LRP1B: variants seen among roughly 807,000 people sequenced by gnomAD.
The protein encoded by LRP1B is LDL receptor related protein 1B.
LRP1B carries 217 observed loss-of-function variants against 556.6 expected under a neutral mutation model. That is an observed-to-expected ratio of 0.39 (90% CI 0.35 to 0.44). The LOEUF is 0.44. Ranked by LOEUF, LRP1B falls within the 20% of genes least tolerant of loss-of-function variation. The pLI, the probability that LRP1B is intolerant of heterozygous loss-of-function variation, is 1.00. For synonymous variants in LRP1B, 2,047 were observed against 1,865.8 expected (o/e 1.10, Z -2.50); for missense variants, 5,053 against 5,620.8 (o/e 0.90, Z 3.23).
intron 1 of LRP1B, among the ~76,000 whole-genome samples, chr2:141,898,321 G>C (rs1699516177): frequency 6.6e-6 from 1 of 151,964 alleles, no homozygotes; most frequent in Non-Finnish European, 1.5e-5. Context: ...AGCTACAAAG[G>C]GCTCCCATGT....
chr2:141,381,687 A>G (rs1387795438), intron 3 of LRP1B, among the ~76,000 whole-genome samples: 1 of 152,208 alleles, frequency 6.6e-6, no homozygotes, highest in Non-Finnish European at 1.5e-5. Context: ...AAGACAGTCA[A>G]GAAATTTTTC....
rs756988187 is a variant in LRP1B at position 141,049,118 on chromosome 2, C to G, written c.1657G>C (p.Glu553Gln). The change falls in exon 11 of 91, where the codon GAA becomes CAA. Residue 553 changes from glutamate (E) to glutamine (Q), a missense_variant. Glu to Gln is a conservative substitution (Grantham distance 29). This residue lies in a region of LRP1B where 3,619 missense variants were observed against 3,931.9 expected (regional missense o/e 0.92). Coordinates refer to ENST00000389484, the MANE Select transcript of LRP1B (RefSeq NM_018557.3). Reference sequence around the variant, plus strand: ...AAAGCACGAGGGTTTACCAGATTTTCTATGGGGATCATGTATTCATCAGCT... The same window carrying G: ...AAAGCACGAGGGTTTACCAGATTTTGTATGGGGATCATGTATTCATCAGCT... ...KIADEYMIPIENLVNPRALDF... is the reference protein window; with the variant it reads ...KIADEYMIPIQNLVNPRALDF... The G allele has an allele frequency of 4.3e-6, 7 of 1,613,406 alleles. No homozygotes were observed. The South Asian group carries it at 7.7e-5, about 18-fold the overall frequency.
chr2:140,640,383 CTTTTTTT>C (rs70988414), intron 41 of LRP1B, among the ~76,000 whole-genome samples: 2 of 48,498 alleles, frequency 4.1e-5, no homozygotes, highest in African/African-American at 8.5e-5. Flanking sequence ...GTCCTGTTTT[CTTTTTTT>C]TTTTTTTTTT....
chr2:140,298,606 G>T (rs1291568574), intron 83 of LRP1B, among the ~76,000 whole-genome samples: 2 of 152,200 alleles, frequency 1.3e-5, no homozygotes, highest in South Asian at 4.2e-4. Flanking sequence ...TTGAAGTCTA[G>T]TAAATAACAG....
chr2:140,888,059 G>T (rs1408490994), intron 23 of LRP1B, among the ~76,000 whole-genome samples: 1 of 152,014 alleles, frequency 6.6e-6, no homozygotes, highest in African/African-American at 2.4e-5. Flanking sequence ...TAAAAAATGT[G>T]GTAATGACTG....
At chr2:141,586,333 AT>A (rs1334836259) in intron 2 of LRP1B, among the ~76,000 whole-genome samples, 3 of 151,808 alleles carry the variant, frequency 2.0e-5, no homozygotes, top group Non-Finnish European at 4.4e-5. Context: ...TGAGATTTTC[AT>A]TTTTTTTCCT....
chr2:141,284,514 C>T (rs2105394860), intron 3 of LRP1B, among the ~76,000 whole-genome samples: 1 of 152,272 alleles, frequency 6.6e-6, no homozygotes, highest in South Asian at 2.1e-4. Context: ...AAAGATAGCT[C>T]TATTTTTATT....
At chr2:140,356,231 T>A in intron 75 of LRP1B, 111 bp downstream of exon 75, 1 of 1,114,480 alleles carries the variant, frequency 9.0e-7, no homozygotes, top group Non-Finnish European at 1.3e-6. Context: ...ATCCCGTAGA[T>A]ACACACCATT....
In LRP1B at chr2:141,510,506, T is replaced by C. The variant is rs1315765196; in HGVS notation, c.206-29973A>G. Among the ~76,000 whole-genome samples the C allele has an allele frequency of 2.0e-5, 3 of 152,108 alleles. No individual in the cohort carries two copies. In the East Asian group the frequency reaches 5.8e-4, roughly 29 times the overall value. On this transcript the variant is annotated intron_variant, in intron 2 of 90. Coordinates refer to ENST00000389484, the MANE Select transcript of LRP1B (RefSeq NM_018557.3). Reference sequence around the variant, plus strand: ...ATATTATCGCACACCTTTTTCCTTTTACCAGCAGGTGTGTTGGGTAGGTAA... The same window carrying C: ...ATATTATCGCACACCTTTTTCCTTTCACCAGCAGGTGTGTTGGGTAGGTAA...
At chr2:141,980,923 T>G (rs1660109322) in intron 1 of LRP1B, among the ~76,000 whole-genome samples, 1 of 152,070 alleles carries the variant, frequency 6.6e-6, no homozygotes, top group Non-Finnish European at 1.5e-5. Context: ...ACCTATTGTC[T>G]GTTAAGAAGC....
At chr2:141,914,518 G>T (rs781604484) in intron 1 of LRP1B, among the ~76,000 whole-genome samples, 1 of 152,130 alleles carries the variant, frequency 6.6e-6, no homozygotes, top group Admixed American at 6.5e-5. Flanking sequence ...TCAGGAAAGA[G>T]AAAGAAACAA....
intron 3 of LRP1B, among the ~76,000 whole-genome samples, chr2:141,384,135 G>A (rs1689744276): frequency 5.3e-5 from 8 of 152,012 alleles, no homozygotes; most frequent in Middle Eastern, 6.8e-3. Context: ...AAGGTGAAAG[G>A]TCAAATTCTG....
At chr2:142,014,183 A>ATT (rs1703044720) in intron 1 of LRP1B, among the ~76,000 whole-genome samples, 1 of 136,858 alleles carries the variant, frequency 7.3e-6, no homozygotes, top group African/African-American at 3.7e-5. Context: ...TCGCTTTCTT[A>ATT]ATAAACTTGT....
chr2:140,239,678 T>A, intron 87 of LRP1B, 146 bp from the exon 88 acceptor site: 1 of 516,046 alleles, frequency 1.9e-6, no homozygotes, highest in Non-Finnish European at 3.5e-6. Flanking sequence ...TTCATAATTA[T>A]GTTATTGGAA....
chr2:140,384,765 G>C (rs7606534), intron 67 of LRP1B, among the ~76,000 whole-genome samples: 31,916 of 151,968 alleles, frequency 0.21, 3,989 homozygotes, highest in African/African-American at 0.36. Flanking sequence ...AGTCTTCTGC[G>C]TCTGGGGAAA....
chr2:141,617,797 A>G (rs1358486213), intron 2 of LRP1B, among the ~76,000 whole-genome samples: 1 of 152,330 alleles, frequency 6.6e-6, no homozygotes, highest in Non-Finnish European at 1.5e-5. Flanking sequence ...AAAATTTTAA[A>G]CACTCTAAAA....
chr2:141,418,016 T>C (rs1679980892), intron 3 of LRP1B, among the ~76,000 whole-genome samples: 1 of 152,198 alleles, frequency 6.6e-6, no homozygotes, highest in South Asian at 2.1e-4. Context: ...TATTAGTCAT[T>C]TGTATGTCTT....
intron 3 of LRP1B, among the ~76,000 whole-genome samples, chr2:141,336,200 C>T (rs1687844921): frequency 6.6e-6 from 1 of 151,370 alleles, no homozygotes; most frequent in Admixed American, 6.6e-5. Flanking sequence ...ACTCTGCAGT[C>T]ACTTCCTTGG....
chr2:140,773,687 TTAATG>T (rs1222899521), intron 33 of LRP1B, among the ~76,000 whole-genome samples: 2 of 151,454 alleles, frequency 1.3e-5, no homozygotes, highest in Non-Finnish European at 2.9e-5. Flanking sequence ...ATTTCAACAA[TTAATG>T]TTAAACACTA....
Sources: allele counts gnomAD v4.1 joint callset (sites outside exome capture counted in the v4.1 genomes callset), GRCh38; gene constraint gnomAD v4.1.1; regional missense constraint gnomAD v4.1.1; transcripts MANE v1.5; gene names NCBI Gene and HGNC (gene_info 2026-07-23, HGNC 2026-07-21).